The following COL22A1 variants were observed in gnomAD, a reference collection of about 807,000 sequenced individuals.
COL22A1 encodes the protein collagen alpha-1(XXII) chain.
Under a neutral mutation model 248.9 loss-of-function variants are expected in COL22A1, and 221 were observed. The observed-to-expected ratio is 0.89, with a 90% CI of 0.80 to 0.99. The LOEUF is 0.99. Among genes scored for constraint, COL22A1 ranks in the 50% least tolerant of loss-of-function variants. COL22A1 has a pLI of 0.00. For synonymous variants in COL22A1, 891 were observed against 793.4 expected, an observed-to-expected ratio of 1.12 and a Z score of -2.07; for missense variants, 2,240 against 2,179.0, an observed-to-expected ratio of 1.03 and a Z score of -0.56.
intron 36 of COL22A1, among the ~76,000 whole-genome samples, chr8:138,690,495 G>C (rs1041647061): frequency 4.6e-5 from 7 of 152,160 alleles, no homozygotes; most frequent in African/African-American, 1.4e-4. Flanking sequence ...TCCCCCAATA[G>C]CCGTCAGGGG....
intron 7 of COL22A1, among the ~76,000 whole-genome samples, chr8:138,816,223 G>T (rs182346744): frequency 1.2e-4 from 19 of 152,266 alleles, no homozygotes; most frequent in African/African-American, 4.6e-4. Context: ...TTGGGGATCT[G>T]GACAGAGGCG....
At chr8:138,701,177 T>A (rs768875637) in intron 31 of COL22A1, among the ~76,000 whole-genome samples, 1 of 152,146 alleles carries the variant, frequency 6.6e-6, no homozygotes. Flanking sequence ...CTCTCCACCA[T>A]GCAAATATAA....
intron 3 of COL22A1, among the ~76,000 whole-genome samples, chr8:138,855,714 T>G (rs1175660603): frequency 6.6e-6 from 1 of 152,246 alleles, no homozygotes; most frequent in Non-Finnish European, 1.5e-5. Flanking sequence ...AAGGATTTTA[T>G]GAATCAGCCC....
At chr8:138,621,338 G>A (rs758037335) in intron 52 of COL22A1, among the ~76,000 whole-genome samples, 2 of 152,182 alleles carry the variant, frequency 1.3e-5, no homozygotes, top group Non-Finnish European at 2.9e-5. Flanking sequence ...AGTGAGGCTG[G>A]GCCCCAGCCT....
At chr8:138,726,042 A>G (rs1383021226) in intron 23 of COL22A1, among the ~76,000 whole-genome samples, 1 of 152,170 alleles carries the variant, frequency 6.6e-6, no homozygotes, top group Non-Finnish European at 1.5e-5. Flanking sequence ...TGCTATTTAA[A>G]TCATTCATGG....
intron 22 of COL22A1, among the ~76,000 whole-genome samples, chr8:138,748,991 A>G (rs1832366517): frequency 6.6e-6 from 1 of 152,192 alleles, no homozygotes; most frequent in African/African-American, 2.4e-5. Context: ...TTCTTGTGGT[A>G]GTGAATAAGT....
chr8:138,894,324 T>A (rs915453913), intron 1 of COL22A1, among the ~76,000 whole-genome samples: 1 of 152,140 alleles, frequency 6.6e-6, no homozygotes, highest in Non-Finnish European at 1.5e-5. Context: ...GGAGTTCTAG[T>A]GCAACAATTC....
At chr8:138,857,492 G>T (rs537518096) in intron 3 of COL22A1, among the ~76,000 whole-genome samples, 1 of 152,152 alleles carries the variant, frequency 6.6e-6, no homozygotes, top group African/African-American at 2.4e-5. Flanking sequence ...TCACAGCAAG[G>T]CACCTGAGGC....
Position 138,778,391 on chromosome 8 carries a change from G to A in COL22A1, c.1720C>T (p.Pro574Ser), listed in dbSNP as rs762520411. 2.5e-6 allele frequency: 4 copies of A among 1,605,314 alleles called. No individual in the cohort carries two copies. The East Asian group carries it at 8.9e-5, about 36-fold the overall frequency. The change falls in exon 15 of 65, where the codon CCT becomes TCT. Residue 574 changes from proline to serine, a missense_variant. Physicochemically the swap from Pro to Ser is moderately conservative, Grantham distance 74. Coordinates refer to ENST00000303045, the MANE Select transcript of COL22A1 (RefSeq NM_152888.3). ...EVGMRGPQGP[P>S]GLPGPPGRVG... ...CGTCCAGGAGGTCCGGGGAGTCCAG[G>A]TGGTCCTTGGGGCCCCTGCAGAAGA... is the stretch of plus-strand genomic sequence containing the variant.
chr8:138,757,070 C>T (rs1336604954), intron 18 of COL22A1, among the ~76,000 whole-genome samples: 1 of 152,218 alleles, frequency 6.6e-6, no homozygotes, highest in East Asian at 1.9e-4. Context: ...CACATATTCT[C>T]ACACACATGT....
chr8:138,755,136 C>A (rs75275589), intron 21 of COL22A1, 21 bp downstream of exon 21: 8 of 1,613,126 alleles, frequency 5.0e-6, no homozygotes, highest in Non-Finnish European at 5.9e-6. Flanking sequence ...GCAAACCCTG[C>A]GCAGGAGAGG....
At chr8:138,600,820 T>C (rs924574309) in intron 60 of COL22A1, among the ~76,000 whole-genome samples, 5 of 152,214 alleles carry the variant, frequency 3.3e-5, no homozygotes, top group African/African-American at 1.2e-4. Flanking sequence ...CTGTCAGTGA[T>C]CTTGAATTCA....
chr8:138,737,381 C>G (rs561090121), intron 23 of COL22A1, 143 bp downstream of exon 23: 1 of 635,806 alleles, frequency 1.6e-6, no homozygotes, highest in African/African-American at 1.8e-5. Flanking sequence ...AGGGAGGACA[C>G]GTGACCCACT....
rs183620533 is a variant in COL22A1 at position 138,881,552 on chromosome 8, G to A, written c.91+1530C>T. Among the ~76,000 whole-genome samples the A allele has an allele frequency of 2.0e-4, 31 of 152,298 alleles. 1 individual carries two copies. The highest frequency in any genetic ancestry group is 1.7e-3 in the Admixed American group (26 of 15,298). ...TACAAAAAATTAGCCAGGCATGGTG[G>A]CAGGCGCCTGTAGTCCCAGCTATGC... On this transcript the variant is annotated intron_variant, in intron 2 of 64. Coordinates refer to ENST00000303045, the MANE Select transcript of COL22A1 (RefSeq NM_152888.3).
intron 56 of COL22A1, 122 bp from the exon 57 acceptor site, chr8:138,608,111 G>A: frequency 1.4e-6 from 1 of 734,832 alleles, no homozygotes; most frequent in Admixed American, 2.9e-5. Context: ...TAGCCAGTGT[G>A]GCTCTCAGTC....
At chr8:138,611,481 G>A (rs1818859324) in intron 56 of COL22A1, among the ~76,000 whole-genome samples, 1 of 152,198 alleles carries the variant, frequency 6.6e-6, no homozygotes, top group Admixed American at 6.5e-5. Flanking sequence ...CCACTCCTGG[G>A]GGGCTCTGGA....
intron 22 of COL22A1, among the ~76,000 whole-genome samples, chr8:138,751,232 T>C (rs576745483): frequency 1.3e-5 from 2 of 152,330 alleles, no homozygotes; most frequent in Admixed American, 1.3e-4. Flanking sequence ...ATATGACTCC[T>C]GGCAGACAAC....
At chr8:138,688,603 T>C (rs929137879) in intron 37 of COL22A1, among the ~76,000 whole-genome samples, 9 of 152,100 alleles carry the variant, frequency 5.9e-5, no homozygotes, top group Non-Finnish European at 1.3e-4. Flanking sequence ...TGCACTGAAT[T>C]GAGAGAAAAC....
chr8:138,693,891 G>A lies in COL22A1; in HGVS notation c.2701-192C>T, dbSNP rs560835586. On this transcript the variant is annotated intron_variant, in intron 34 of 64. Transcript: ENST00000303045. ...CCTCTGTTGGAGATGGTCATATCGC[G>A]ATTTCATTCCATCCTCACCACCTAC... Among the ~76,000 whole-genome samples the A allele has an allele frequency of 2.2e-4, 34 of 152,142 alleles. No homozygotes were observed. The South Asian group carries it at 6.0e-3, about 27-fold the overall frequency.
Sources: gnomAD v4.1 joint callset for allele counts (sites outside exome capture counted in the v4.1 genomes callset) on GRCh38, gnomAD v4.1.1 for gene constraint, MANE v1.5 for transcripts, NCBI Gene and HGNC (gene_info 2026-07-23, HGNC 2026-07-21) for gene names.